The following EEPD1 variants were observed in gnomAD, a reference collection of about 807,000 sequenced individuals.
EEPD1 encodes endonuclease/exonuclease/phosphatase family domain-containing protein 1.
In EEPD1, 17 loss-of-function variants were observed where a neutral mutation model predicts 46.3. That is an observed-to-expected ratio of 0.37 (90% CI 0.25 to 0.55). The LOEUF is 0.55. Among genes scored for constraint, EEPD1 ranks in the 20% least tolerant of loss-of-function variants. The pLI, the probability that EEPD1 is intolerant of heterozygous loss-of-function variation, is 0.83. For missense variants in EEPD1, 673 were observed against 745.6 expected, an observed-to-expected ratio of 0.90 and a Z score of 1.13; for synonymous variants, 313 against 315.6, an observed-to-expected ratio of 0.99 and a Z score of 0.09.
At chr7:36,173,945 C>T (rs1224714478) in intron 2 of EEPD1, among the ~76,000 whole-genome samples, 3 of 152,134 alleles carry the variant, frequency 2.0e-5, no homozygotes, top group African/African-American at 7.2e-5. Flanking sequence ...CCTACAGGTC[C>T]GTGTAATCAT....
intron 2 of EEPD1, among the ~76,000 whole-genome samples, chr7:36,211,440 A>G (rs76831259): frequency 7.8e-5 from 11 of 140,176 alleles, no homozygotes; most frequent in African/African-American, 2.8e-4. Context: ...ATGACCGATG[A>G]AAAAAAATTA....
Position 36,299,626 on chromosome 7 carries a change from C to T in EEPD1, c.*420C>T, listed in dbSNP as rs1166773276. On this transcript the variant is annotated 3_prime_UTR_variant, in exon 8 of 8. Coordinates refer to ENST00000242108, the MANE Select transcript of EEPD1 (RefSeq NM_030636.3). Reference sequence around the variant, plus strand: ...CCACCAGGCTATGACGTTCCTGCTGCGCATTACAGAAAGCTTTTAACTGTG... The same window carrying T: ...CCACCAGGCTATGACGTTCCTGCTGTGCATTACAGAAAGCTTTTAACTGTG... The T allele has an allele frequency of 3.6e-5, 7 of 194,406 alleles. No individual in the cohort carries two copies. Among genetic ancestry groups the T allele is most frequent in the Admixed American group, 5.5e-5 (1 of 18,312 alleles). The allele number at this position is 194,406 out of a possible 1,614,324, so 12.0% of individuals were successfully genotyped here.
intron 2 of EEPD1, among the ~76,000 whole-genome samples, chr7:36,217,999 A>G (rs1346613060): frequency 6.6e-6 from 1 of 152,218 alleles, no homozygotes; most frequent in Non-Finnish European, 1.5e-5. Context: ...TGTTCAGTTA[A>G]TCACTCTTAC....
chr7:36,163,068 G>A lies in EEPD1; in HGVS notation c.878+7866G>A, dbSNP rs143650499. Among the ~76,000 whole-genome samples the A allele has an allele frequency of 5.1e-3, 773 of 151,500 alleles. 4 individuals carry two copies. Among genetic ancestry groups the A allele is most frequent in the Non-Finnish European group, 8.7e-3 (588 of 67,910 alleles). On this transcript the variant is annotated intron_variant, in intron 2 of 7. Transcript: ENST00000242108. ...CCTGTTTAAAAAAAACACTTCTCTA[G>A]AGTATATTTTCTGTTAAGCAAATTC...
At chr7:36,165,522 C>T (rs1337537105) in intron 2 of EEPD1, among the ~76,000 whole-genome samples, 1 of 139,630 alleles carries the variant, frequency 7.2e-6, no homozygotes, top group Non-Finnish European at 1.5e-5. Flanking sequence ...CGGGTTCAAG[C>T]GATTCTCCTT....
intron 2 of EEPD1, among the ~76,000 whole-genome samples, chr7:36,156,180 C>T (rs1005008454): frequency 1.6e-4 from 25 of 151,852 alleles, no homozygotes; most frequent in Non-Finnish European, 2.2e-4. Flanking sequence ...AGGCTGGCGG[C>T]GGGGGGGCAG....
chr7:36,264,908 C>T (rs1322791615), intron 3 of EEPD1, among the ~76,000 whole-genome samples: 1 of 81,906 alleles, frequency 1.2e-5, no homozygotes, highest in East Asian at 2.8e-4. Context: ...TTGCTGCCCA[C>T]ACTGAAAAAA....
intron 2 of EEPD1, among the ~76,000 whole-genome samples, chr7:36,167,945 T>G (rs949832974): frequency 6.6e-5 from 10 of 152,052 alleles, no homozygotes; most frequent in African/African-American, 2.4e-4. Context: ...ATAGTGCCCT[T>G]TAGAATTGCT....
chr7:36,157,683 T>C (rs1023828523), intron 2 of EEPD1, among the ~76,000 whole-genome samples: 1 of 152,208 alleles, frequency 6.6e-6, no homozygotes. Flanking sequence ...CTGGTCACAA[T>C]GGATTCAGTA....
At chr7:36,187,594 G>T (rs1785381969) in intron 2 of EEPD1, among the ~76,000 whole-genome samples, 1 of 152,008 alleles carries the variant, frequency 6.6e-6, no homozygotes, top group African/African-American at 2.4e-5. Flanking sequence ...CCTTTTTAAG[G>T]CCTGATAATA....
intron 3 of EEPD1, among the ~76,000 whole-genome samples, chr7:36,268,612 C>T (rs1041039391): frequency 6.6e-6 from 1 of 152,208 alleles, no homozygotes; most frequent in Non-Finnish European, 1.5e-5. Flanking sequence ...CTGGCCCCAA[C>T]CGTGATTCTT....
At chr7:36,197,466 T>G (rs938287139) in intron 2 of EEPD1, among the ~76,000 whole-genome samples, 5 of 152,324 alleles carry the variant, frequency 3.3e-5, no homozygotes, top group Admixed American at 2.0e-4. Flanking sequence ...TTTTGTGGAA[T>G]AGAAAAGGGG....
At chr7:36,271,383 T>C (rs576899613) in intron 3 of EEPD1, among the ~76,000 whole-genome samples, 17 of 152,332 alleles carry the variant, frequency 1.1e-4, no homozygotes, top group African/African-American at 3.6e-4. Flanking sequence ...TTTGTTCATA[T>C]GTTTGTTGGC....
intron 6 of EEPD1, among the ~76,000 whole-genome samples, chr7:36,292,256 C>T (rs1434816681): frequency 1.3e-5 from 2 of 152,256 alleles, no homozygotes; most frequent in Admixed American, 6.5e-5. Context: ...CCCAAGGTCA[C>T]GAAGCTGGGA....
intron 2 of EEPD1, among the ~76,000 whole-genome samples, chr7:36,236,315 G>A (rs962010005): frequency 6.6e-6 from 1 of 152,210 alleles, no homozygotes; most frequent in Admixed American, 6.5e-5. Flanking sequence ...CGGAAGCGGC[G>A]CTGGCGGGCC....
chr7:36,179,257 A>T (rs917087335), intron 2 of EEPD1, among the ~76,000 whole-genome samples: 2 of 151,998 alleles, frequency 1.3e-5, no homozygotes, highest in Admixed American at 1.3e-4. Context: ...CACAACTTCT[A>T]TTTGTGTGTA....
intron 2 of EEPD1, among the ~76,000 whole-genome samples, chr7:36,210,550 C>G (rs4349900): frequency 0.77 from 117,045 of 152,034 alleles, 45,217 homozygotes; most frequent in African/African-American, 0.81. Flanking sequence ...CTGGCTGCTT[C>G]TGTCATCCTG....
intron 3 of EEPD1, among the ~76,000 whole-genome samples, chr7:36,275,551 A>T (rs1024609294): frequency 2.0e-5 from 3 of 152,168 alleles, no homozygotes; most frequent in African/African-American, 7.2e-5. Context: ...GGTTCAAGCG[A>T]GTCTCCTGCC....
intron 2 of EEPD1, among the ~76,000 whole-genome samples, chr7:36,228,435 G>A (rs1404020408): frequency 1.3e-5 from 2 of 151,846 alleles, no homozygotes; most frequent in African/African-American, 4.8e-5. Flanking sequence ...GCTGAGGCAA[G>A]AGAATTATCT....
Sources: gnomAD v4.1 joint callset for allele counts (sites outside exome capture counted in the v4.1 genomes callset) on GRCh38, gnomAD v4.1.1 for gene constraint, MANE v1.5 for transcripts, NCBI Gene and HGNC (gene_info 2026-07-23, HGNC 2026-07-21) for gene names.